GALNT18: variants seen among roughly 807,000 people sequenced by gnomAD.
The protein encoded by GALNT18 is GalNAc-transferase 18.
GALNT18 carries 44 observed loss-of-function variants against 69.5 expected under a neutral mutation model. The ratio of observed to expected loss-of-function variants is 0.63; its 90% CI spans 0.50 to 0.81. The LOEUF is 0.81. Among genes scored for constraint, GALNT18 ranks in the 40% least tolerant of loss-of-function variants. The probability of loss-of-function intolerance (pLI) is 0.00; values close to 1 mark genes in which losing one functional copy is unlikely to be tolerated. For synonymous variants in GALNT18, 364 were observed against 318.2 expected (o/e 1.14, Z -1.53); for missense variants, 715 against 810.0 (o/e 0.88, Z 1.42).
chr11:11,412,645 T>C (rs1227985896), intron 3 of GALNT18, among the ~76,000 whole-genome samples: 1 of 151,938 alleles, frequency 6.6e-6, no homozygotes, highest in Non-Finnish European at 1.5e-5. Context: ...TTGGACACAG[T>C]CAATATCCCA....
At chr11:11,478,231 A>C (rs1008579838) in intron 1 of GALNT18, among the ~76,000 whole-genome samples, 3 of 152,262 alleles carry the variant, frequency 2.0e-5, no homozygotes, top group Non-Finnish European at 2.9e-5. Flanking sequence ...ATGAATCAGC[A>C]CCTTCAAAAT....
intron 1 of GALNT18, among the ~76,000 whole-genome samples, chr11:11,560,533 A>C (rs1466357974): frequency 2.6e-5 from 4 of 152,168 alleles, no homozygotes; most frequent in Admixed American, 6.5e-5. Flanking sequence ...AAGCTCTCTG[A>C]GTCCTGCCTA....
At chr11:11,292,064 G>C (rs927964320) in intron 10 of GALNT18, among the ~76,000 whole-genome samples, 1 of 152,092 alleles carries the variant, frequency 6.6e-6, no homozygotes, top group African/African-American at 2.4e-5. Flanking sequence ...AGCTTGCCGG[G>C]AGGCTGGAGT....
intron 1 of GALNT18, among the ~76,000 whole-genome samples, chr11:11,597,805 C>G (rs575883093): frequency 6.6e-6 from 1 of 151,946 alleles, no homozygotes; most frequent in Non-Finnish European, 1.5e-5. Context: ...GGACTACAGG[C>G]GCCTGCCACC....
At chr11:11,477,308 C>A (rs1243538288) in intron 1 of GALNT18, among the ~76,000 whole-genome samples, 1 of 152,222 alleles carries the variant, frequency 6.6e-6, no homozygotes, top group Non-Finnish European at 1.5e-5. Context: ...GGGGCAGGAA[C>A]CATGTGAGGG....
rs914478478 is a variant in GALNT18, at chr11:11,315,885, G to A, written c.1512+11201C>T. On this transcript the variant is annotated intron_variant, in intron 9 of 10. Transcript: ENST00000227756. This position sits in a 1 kb window ranked among gnomAD's most constrained non-coding sequence, Gnocchi z 5.6. ...CCCCCTCAAACAACCATCCTGCACC[G>A]AGAAACTGAACGTGTGACAAACAGA... Among the ~76,000 whole-genome samples the A allele has an allele frequency of 3.9e-5, 6 of 151,948 alleles. No homozygotes were observed. The highest frequency in any genetic ancestry group is 7.4e-5 in the Non-Finnish European group (5 of 68,004).
chr11:11,563,929 G>GA lies in GALNT18; in HGVS notation c.235+57429dup, dbSNP rs1233928385. ...TGAAAGCAAGAAACTGTTGATAGAGGAAAAAATGCAGAGAGAAGGATATAA... is the reference window on the plus strand; with the variant it reads ...TGAAAGCAAGAAACTGTTGATAGAGGAAAAAAATGCAGAGAGAAGGATATAA... On this transcript the variant is annotated intron_variant, in intron 1 of 10. Coordinates refer to ENST00000227756, the MANE Select transcript of GALNT18 (RefSeq NM_198516.3). This position sits in a 1 kb window ranked among gnomAD's most constrained non-coding sequence, Gnocchi z 4.6. Among the ~76,000 whole-genome samples, 1 of 152,064 alleles carries GA rather than the reference G, an allele frequency of 6.6e-6. No homozygotes were observed. Among genetic ancestry groups the GA allele is most frequent in the Non-Finnish European group, 1.5e-5 (1 of 68,002 alleles).
At chr11:11,570,929 T>TA (rs1413145315) in intron 1 of GALNT18, among the ~76,000 whole-genome samples, 2 of 152,322 alleles carry the variant, frequency 1.3e-5, no homozygotes, top group East Asian at 3.9e-4. Context: ...CATGCTATAT[T>TA]AAAGACATGA....
chr11:11,276,597 C>T (rs910275809), intron 10 of GALNT18, among the ~76,000 whole-genome samples: 2 of 152,052 alleles, frequency 1.3e-5, no homozygotes, highest in African/African-American at 4.8e-5. Flanking sequence ...GAGAGGGCAT[C>T]CCTGTCTTGT....
At chr11:11,380,490 C>A (rs1025709602) in intron 3 of GALNT18, among the ~76,000 whole-genome samples, 5 of 152,226 alleles carry the variant, frequency 3.3e-5, no homozygotes, top group African/African-American at 1.2e-4. Context: ...CTGGGCTATA[C>A]AGAATAGAAG....
chr11:11,357,927 G>A (rs1446536557), intron 6 of GALNT18, among the ~76,000 whole-genome samples: 1 of 152,100 alleles, frequency 6.6e-6, no homozygotes, highest in Non-Finnish European at 1.5e-5. Context: ...TCAACAAATG[G>A]TAGCTATTAT....
chr11:11,380,751 C>G (rs1210688047), intron 3 of GALNT18, among the ~76,000 whole-genome samples: 2 of 152,226 alleles, frequency 1.3e-5, no homozygotes, highest in East Asian at 1.9e-4. Context: ...CTTATGTTTA[C>G]TTTTATTTAA....
intron 1 of GALNT18, among the ~76,000 whole-genome samples, chr11:11,575,934 T>A (rs1858914669): frequency 6.6e-6 from 1 of 152,148 alleles, no homozygotes; most frequent in South Asian, 2.1e-4. Flanking sequence ...TATGGAAGAC[T>A]TACAATAGTC....
At chr11:11,506,638 C>T (rs1189225811) in intron 1 of GALNT18, among the ~76,000 whole-genome samples, 1 of 152,088 alleles carries the variant, frequency 6.6e-6, no homozygotes, top group Non-Finnish European at 1.5e-5. Flanking sequence ...GGGTATTTGT[C>T]TTAGGTTAAT....
At chr11:11,462,316 G>A (rs530335017) in intron 1 of GALNT18, among the ~76,000 whole-genome samples, 59 of 146,790 alleles carry the variant, frequency 4.0e-4, no homozygotes, top group African/African-American at 5.0e-4. Context: ...TTGCTCTGTC[G>A]CCCAGGCTGG....
At position 11,392,559 on chromosome 11, in the gene GALNT18, T is replaced by C. The variant is rs575264541; in HGVS notation, c.596-13295A>G. On this transcript the variant is annotated intron_variant, in intron 3 of 10. Transcript: ENST00000227756. ...GCTTGAACCCAGGAGGCGGAGGTCG[T>C]GGTGAGCAGAGATCGCGCCATCACA... Among the ~76,000 whole-genome samples the C allele has an allele frequency of 3.9e-5, 6 of 152,224 alleles. No homozygotes were observed. In the East Asian group the frequency reaches 1.2e-3, roughly 29 times the overall value.
At chr11:11,283,020 G>T (rs1849116024) in intron 10 of GALNT18, among the ~76,000 whole-genome samples, 2 of 152,170 alleles carry the variant, frequency 1.3e-5, no homozygotes, top group African/African-American at 4.8e-5. Flanking sequence ...TCTCAGCAAG[G>T]GCAAGGAGGG....
intron 2 of GALNT18, among the ~76,000 whole-genome samples, chr11:11,446,078 G>A (rs1350500064): frequency 1.3e-5 from 2 of 152,168 alleles, no homozygotes; most frequent in African/African-American, 2.4e-5. Context: ...TCAAAGCCAC[G>A]ATCCGGCATC....
In GALNT18 at chr11:11,618,077, C is replaced by T. The variant is rs1860100029; in HGVS notation, c.235+3282G>A. ...GAAAACAAATTAAAATGAAATATCA[C>T]TGCAACTCCCAAGACGAAAATAAAC... On this transcript the variant is annotated intron_variant, in intron 1 of 10. Transcript: ENST00000227756. The surrounding 1 kb of genome is among the most constrained non-coding windows in gnomAD (Gnocchi z 6.1). Among the ~76,000 whole-genome samples the T allele has an allele frequency of 6.6e-6, 1 of 152,220 alleles. No individual in the cohort carries two copies. The highest frequency in any genetic ancestry group is 2.1e-4 in the South Asian group (1 of 4,832).
Sources: gnomAD v4.1 joint callset for allele counts (sites outside exome capture counted in the v4.1 genomes callset) on GRCh38, gnomAD v4.1.1 for gene constraint, Gnocchi (gnomAD v3.1) non-coding constraint, MANE v1.5 for transcripts, NCBI Gene and HGNC (gene_info 2026-07-23, HGNC 2026-07-21) for gene names.